ZNF679: variants seen among roughly 807,000 people sequenced by gnomAD.
ZNF679 encodes the protein zinc finger protein 679, also known as hypothetical protein MGC42415.
ZNF679 carries 10 observed loss-of-function variants against 13.4 expected under a neutral mutation model. The observed-to-expected ratio is 0.75, with a 90% confidence interval of 0.46 to 1.27. The LOEUF (loss-of-function observed/expected upper bound fraction) is 1.27. ZNF679 is among the 50% of genes most tolerant of loss of function. The pLI is 0.00. For missense variants in ZNF679, 525 were observed against 477.8 expected, an observed-to-expected ratio of 1.10 and a Z score of -0.92; for synonymous variants, 179 against 162.5, an observed-to-expected ratio of 1.10 and a Z score of -0.77.
chr7:64,260,779 T>C, intron 3 of ZNF679, 55 bp from the exon 4 acceptor site: 1 of 1,530,996 alleles, frequency 6.5e-7, no homozygotes, highest in South Asian at 1.2e-5. Flanking sequence ...AATACTCGTT[T>C]GGTAATTAAA....
intron 2 of ZNF679, among the ~76,000 whole-genome samples, chr7:64,257,448 A>T (rs1310460435): frequency 2.6e-5 from 4 of 152,190 alleles, no homozygotes; most frequent in Non-Finnish European, 5.9e-5. Flanking sequence ...AAAATTAATG[A>T]TAGAGAAACA....
intron 2 of ZNF679, among the ~76,000 whole-genome samples, chr7:64,257,332 A>G (rs1788017116): frequency 6.6e-6 from 1 of 152,068 alleles, no homozygotes; most frequent in Non-Finnish European, 1.5e-5. Context: ...CCTTAATTTC[A>G]TTATTTACAA....
intron 2 of ZNF679, among the ~76,000 whole-genome samples, chr7:64,255,702 G>A (rs1433419413): frequency 3.3e-5 from 5 of 151,688 alleles, no homozygotes; most frequent in African/African-American, 7.3e-5. Context: ...TCCGCCTCCC[G>A]GGTTCAAGAG....
intron 1 of ZNF679, among the ~76,000 whole-genome samples, chr7:64,246,836 A>G (rs1315551327): frequency 6.6e-6 from 1 of 152,200 alleles, no homozygotes; most frequent in East Asian, 1.9e-4. Flanking sequence ...AAGCAAATTT[A>G]TTAGGAAAGT....
rs2116528851 is a variant in ZNF679, at chr7:64,249,032, C to G, written c.-86C>G. The G allele has an allele frequency of 1.9e-6, 3 of 1,592,840 alleles. No homozygotes were observed. Among genetic ancestry groups the G allele is most frequent in the Non-Finnish European group, 2.6e-6 (3 of 1,166,654 alleles). ...TTTGTGTTTCTCTGCGTCCAGAGCT[C>G]CAGTTCTTCTCTTCACTGCTCTGCG... On this transcript the variant is annotated 5_prime_UTR_variant, in exon 2 of 5. Coordinates refer to ENST00000421025, the MANE Select transcript of ZNF679 (RefSeq NM_153363.3).
intron 4 of ZNF679, among the ~76,000 whole-genome samples, chr7:64,263,077 G>A (rs1468328990): frequency 6.6e-6 from 1 of 152,074 alleles, no homozygotes; most frequent in Admixed American, 6.6e-5. Flanking sequence ...AAAATAGGCT[G>A]TATGATTTTG....
chr7:64,265,948 T>G lies in ZNF679; in HGVS notation c.315T>G (p.Asp105Glu). 7 of 1,613,838 alleles carry G rather than the reference T, an allele frequency of 4.3e-6. No individual in the cohort carries two copies. The highest frequency in any genetic ancestry group is 5.9e-6 in the Non-Finnish European group (7 of 1,179,862). Residue 105 changes from aspartate (D) to glutamate (E), a missense_variant, in exon 5 of 5, where the codon GAT becomes GAG. Coordinates refer to ENST00000421025, the MANE Select transcript of ZNF679 (RefSeq NM_153363.3). Reference sequence around the variant, plus strand: ...TTCCGCCAGAGCTAGGCATAAAAGATTCACTCCAAAAAGTAATACCAAGAA... The same window carrying G: ...TTCCGCCAGAGCTAGGCATAAAAGAGTCACTCCAAAAAGTAATACCAAGAA... The part of the protein sequence containing the change: ...QDLPPELGIK[D>E]SLQKVIPRRY...
At chr7:64,262,153 G>T (rs1788085674) in intron 4 of ZNF679, among the ~76,000 whole-genome samples, 2 of 152,218 alleles carry the variant, frequency 1.3e-5, no homozygotes, top group South Asian at 4.2e-4. Context: ...ACCGCGCCTG[G>T]CTCGCTTGAC....
chr7:64,256,226 A>C lies in ZNF679; in HGVS notation c.40-3995A>C, dbSNP rs145387227. On this transcript the variant is annotated intron_variant, in intron 2 of 4. Coordinates refer to ENST00000421025, the MANE Select transcript of ZNF679 (RefSeq NM_153363.3). ...AAAATGACGGTCTCCTGCTCCATTC[A>C]TGTTGCTGCAAAGGACATGATGTTT... 2.6e-5 allele frequency among the ~76,000 whole-genome samples: 4 copies of C among 152,200 alleles called. No homozygotes were observed. In the East Asian group the frequency reaches 7.7e-4, roughly 29 times the overall value.
rs1302368982 is a variant in ZNF679 at position 64,260,450 on chromosome 7, T to A, written c.166+103T>A. 41 of 1,495,544 alleles carry A rather than the reference T, an allele frequency of 2.7e-5. No individual in the cohort carries two copies. The African/African-American group carries it at 5.7e-4, about 21-fold the overall frequency. The allele number at this position is 1,495,544 out of a possible 1,614,324, so 92.6% of individuals were successfully genotyped here. ...TTTGCATGAGTGAATTTTAGCTCTC[T>A]GATTTGAAGAAAATCTTGGGGATTC... is the stretch of plus-strand genomic sequence containing the variant. On this transcript the variant is annotated intron_variant, in intron 3 of 4. Transcript: ENST00000421025.
rs575643020 is a variant in ZNF679, at chr7:64,266,702, T to C, written c.1069T>C (p.Cys357Arg). 6.2e-7 allele frequency: 1 copy of C among 1,613,310 alleles called. No individual in the cohort carries two copies. Among genetic ancestry groups the C allele is most frequent in the African/African-American group, 1.3e-5 (1 of 74,980 alleles). The change falls in exon 5 of 5, where the codon TGT becomes CGT. Residue 357 changes from cysteine to arginine, a missense_variant. Cys to Arg is a radical substitution (Grantham distance 180). Transcript: ENST00000421025. The stretch of plus-strand genomic sequence containing the variant: ...AGAGAAACCCTACAAATGTAAAGAA[T>C]GTGGGAAAGCCTTTGCCTTCTCCTC... ...TGEKPYKCKE[C>R]GKAFAFSSTL...
At chr7:64,261,536 T>C (rs1383517132) in intron 4 of ZNF679, among the ~76,000 whole-genome samples, 1 of 152,262 alleles carries the variant, frequency 6.6e-6, no homozygotes, top group East Asian at 1.9e-4. Flanking sequence ...ATTTTAGATA[T>C]AGATTTATAA....
In ZNF679 at chr7:64,266,804, TG is replaced by T; in HGVS notation, c.1173del (p.Trp391CysfsTer32). On this transcript the variant is annotated frameshift_variant, in exon 5 of 5. Transcript: ENST00000421025. LOFTEE classifies it low-confidence loss of function (END_TRUNC). Reference protein sequence around the residue: ...KCEECDKAFKWSSSLANHKSM... With the variant: ...KCEECDKAFKXSSSLANHKSM... Reference sequence around the variant, plus strand: ...TGAAGAATGTGACAAAGCTTTTAAGTGGTCCTCAAGTCTTGCTAATCATAAG... The same window carrying T: ...TGAAGAATGTGACAAAGCTTTTAAGTGTCCTCAAGTCTTGCTAATCATAAG... 1 of 1,605,532 alleles carries T rather than the reference TG, an allele frequency of 6.2e-7. No individual in the cohort carries two copies. Among genetic ancestry groups the T allele is most frequent in the Non-Finnish European group, 8.5e-7 (1 of 1,175,400 alleles).
rs183613867 is a variant in ZNF679, at chr7:64,243,089, T to A, written c.-90-5939T>A. Among the ~76,000 whole-genome samples the A allele has an allele frequency of 1.3e-4, 20 of 152,346 alleles. No homozygotes were observed. In the East Asian group the frequency reaches 3.9e-3, roughly 29 times the overall value. ...TTTACTTCTGTGCTGGACCCTGATA[T>A]GACACTCTTTATATCACCCAAAGAC... On this transcript the variant is annotated intron_variant, in intron 1 of 4. Coordinates refer to ENST00000421025, the MANE Select transcript of ZNF679 (RefSeq NM_153363.3).
intron 2 of ZNF679, among the ~76,000 whole-genome samples, chr7:64,250,691 T>C (rs1209438602): frequency 2.6e-5 from 4 of 151,924 alleles, no homozygotes; most frequent in Non-Finnish European, 5.9e-5. Context: ...CTGGTTCAAG[T>C]GATTCTCCTG....
At chr7:64,258,108 C>A (rs1330485763) in intron 2 of ZNF679, among the ~76,000 whole-genome samples, 2 of 134,164 alleles carry the variant, frequency 1.5e-5, no homozygotes, top group Non-Finnish European at 3.4e-5. Flanking sequence ...TTGCTGGAGT[C>A]TGATAGGGGA....
At chr7:64,240,108 GAT>G (rs1194680304) in intron 1 of ZNF679, among the ~76,000 whole-genome samples, 1 of 152,170 alleles carries the variant, frequency 6.6e-6, no homozygotes, top group Admixed American at 6.5e-5. Context: ...GGGGCATTGT[GAT>G]ATATATTGCT....
intron 3 of ZNF679, 130 bp downstream of exon 3, chr7:64,260,477 T>C (rs752724742): frequency 8.1e-5 from 113 of 1,399,934 alleles, no homozygotes; most frequent in Non-Finnish European, 1.0e-4. Flanking sequence ...TGGGGATTCA[T>C]TGGTGTAGAA....
chr7:64,265,898 A>G lies in ZNF679; in HGVS notation c.265A>G (p.Met89Val), dbSNP rs552841085. 3 of 1,612,352 alleles carry G rather than the reference A, an allele frequency of 1.9e-6. No individual in the cohort carries two copies. The highest frequency in any genetic ancestry group is 1.3e-5 in the African/African-American group (1 of 74,874). Residue 89 changes from methionine to valine, a missense_variant and splice_region_variant, in exon 5 of 5, where the codon ATG becomes GTG. Physicochemically the swap from Met to Val is conservative, Grantham distance 21. Transcript: ENST00000421025. ...RNEMVTKHPV[M>V]CSHFTQDLPP... ...CTTGTGATTTTTATGTCTTTCAGTT[A>G]TGTGTTCTCATTTCACCCAAGACCT...
Sources: gnomAD v4.1 joint callset for allele counts (sites outside exome capture counted in the v4.1 genomes callset) on GRCh38, gnomAD v4.1.1 for gene constraint, MANE v1.5 for transcripts, NCBI Gene and HGNC (gene_info 2026-07-23, HGNC 2026-07-21) for gene names.